The following GPHN variants were observed in gnomAD, a reference collection of about 807,000 sequenced individuals.
The protein encoded by GPHN is gephyrin.
In GPHN, 17 loss-of-function variants were observed where a neutral mutation model predicts 95.5. That is an observed-to-expected ratio of 0.18 (90% CI 0.12 to 0.27). The LOEUF (loss-of-function observed/expected upper bound fraction) is 0.27. Among genes scored for constraint, GPHN ranks in the 10% least tolerant of loss-of-function variants. GPHN has a pLI of 1.00. For synonymous variants in GPHN, 320 were observed against 322.5 expected (o/e 0.99, Z 0.08); for missense variants, 660 against 978.1 (o/e 0.67, Z 4.34).
chr14:67,338,008 C>G, the GPHN span: 2 of 152,144 alleles, frequency 1.3e-5, no homozygotes, highest in Non-Finnish European at 2.9e-5. Flanking sequence ...AAAGCTCTGG[C>G]TGACACTACT....
intron 2 of GPHN, among the ~76,000 whole-genome samples, chr14:66,731,363 G>A (rs867486548): frequency 1.8e-4 from 27 of 152,170 alleles, no homozygotes; most frequent in Non-Finnish European, 7.3e-5. Context: ...GGAACTTCCC[G>A]GAGACTTGCT....
At chr14:67,123,646 A>G (rs1348465354) in intron 17 of GPHN, among the ~76,000 whole-genome samples, 3 of 152,208 alleles carry the variant, frequency 2.0e-5, no homozygotes, top group African/African-American at 7.2e-5. Flanking sequence ...ACTGCACCCC[A>G]GCCTGGGAAA....
At chr14:67,350,146 G>A in the GPHN span, among the ~76,000 whole-genome samples, 6 of 152,158 alleles carry the variant, frequency 3.9e-5, no homozygotes, top group Admixed American at 3.3e-4. Context: ...TGTCACCAAA[G>A]CCATGAAGTT....
intron 10 of GPHN, among the ~76,000 whole-genome samples, chr14:67,033,431 G>GT (rs1594880839): frequency 6.6e-6 from 1 of 152,004 alleles, no homozygotes; most frequent in African/African-American, 2.4e-5. Flanking sequence ...AGGCCTGGTG[G>GT]TGCACACCTG....
the GPHN span, chr14:67,345,967 G>A: frequency 1.3e-6 from 1 of 771,086 alleles, no homozygotes; most frequent in Non-Finnish European, 2.1e-6. Flanking sequence ...TAACAAATAT[G>A]GAAAGATGAA....
At chr14:67,006,234 T>C (rs1206483743) in intron 9 of GPHN, among the ~76,000 whole-genome samples, 1 of 152,102 alleles carries the variant, frequency 6.6e-6, no homozygotes, top group African/African-American at 2.4e-5. Flanking sequence ...GGAATTCAGA[T>C]TCATGTGGTC....
chr14:66,988,445 T>C (rs1313490447), intron 9 of GPHN, among the ~76,000 whole-genome samples: 8 of 152,052 alleles, frequency 5.3e-5, no homozygotes, highest in Non-Finnish European at 1.0e-4. Context: ...AATTTCAATT[T>C]TCAAGGAAAA....
chr14:67,229,688 T>C, the GPHN span, among the ~76,000 whole-genome samples: 1 of 152,352 alleles, frequency 6.6e-6, no homozygotes, highest in Admixed American at 6.5e-5. Flanking sequence ...ATGTGTATTA[T>C]ATTGATTATA....
Position 67,150,525 on chromosome 14 carries a change from A to G in GPHN, c.1836+7076A>G, listed in dbSNP as rs149507046. The stretch of plus-strand genomic sequence containing the variant: ...TTGATTTTGTTGATCACAGTTTTAT[A>G]CTTTTTTATAATCTTAAATATTATA... On this transcript the variant is annotated intron_variant, in intron 18 of 22. Coordinates refer to ENST00000478722, the MANE Select transcript of GPHN (RefSeq NM_020806.5). 3.6e-3 allele frequency among the ~76,000 whole-genome samples: 547 copies of G among 151,202 alleles called. 2 individuals carry two copies. The highest frequency in any genetic ancestry group is 0.012 in the African/African-American group (510 of 41,148).
chr14:66,813,070 T>C (rs1004614612), intron 3 of GPHN, among the ~76,000 whole-genome samples: 4 of 152,344 alleles, frequency 2.6e-5, no homozygotes, highest in African/African-American at 9.6e-5. Context: ...TTCCTTTATA[T>C]AATTTTTTTT....
intron 8 of GPHN, among the ~76,000 whole-genome samples, chr14:66,946,764 T>C (rs1056285937): frequency 4.6e-5 from 7 of 152,212 alleles, no homozygotes; most frequent in Admixed American, 4.6e-4. Flanking sequence ...AGTATTTTCA[T>C]AGATAAAAAA....
Position 67,011,393 on chromosome 14 carries a change from G to C in GPHN, c.964-12240G>C, listed in dbSNP as rs1351415101. Among the ~76,000 whole-genome samples, 5 of 150,522 alleles carry C rather than the reference G, an allele frequency of 3.3e-5. No individual in the cohort carries two copies. The East Asian group carries it at 7.8e-4, about 24-fold the overall frequency. On this transcript the variant is annotated intron_variant, in intron 9 of 22. Coordinates refer to ENST00000478722, the MANE Select transcript of GPHN (RefSeq NM_020806.5). ...TTTGTGACCAGCCTGGACAACATAG[G>C]GTGACCCCACCTCTACAAAAAAAAA...
At chr14:67,035,657 G>C (rs1286152540) in intron 10 of GPHN, among the ~76,000 whole-genome samples, 2 of 151,674 alleles carry the variant, frequency 1.3e-5, no homozygotes, top group Non-Finnish European at 3.0e-5. Context: ...ACACAACCTT[G>C]GTGTTCAGTC....
the GPHN span, among the ~76,000 whole-genome samples, chr14:67,211,789 G>T: frequency 6.6e-6 from 1 of 152,016 alleles, no homozygotes; most frequent in South Asian, 2.1e-4. Context: ...AAGTTTTGGT[G>T]AGCATGATCA....
the GPHN span, among the ~76,000 whole-genome samples, chr14:67,420,700 G>A: frequency 6.6e-6 from 1 of 152,322 alleles, no homozygotes; most frequent in Admixed American, 6.5e-5. Context: ...GTCTCAATTA[G>A]CTGGCACTTC....
the GPHN span, chr14:67,201,672 G>C: frequency 2.6e-6 from 1 of 384,134 alleles, no homozygotes; most frequent in South Asian, 1.9e-5. Flanking sequence ...TCCCTGAGCT[G>C]GGTCATCATC....
chr14:66,743,240 C>A (rs1321752114), intron 2 of GPHN, among the ~76,000 whole-genome samples: 4 of 151,820 alleles, frequency 2.6e-5, no homozygotes, highest in Admixed American at 1.3e-4. Context: ...AATCTTCCCC[C>A]CCACTTTAAA....
At chr14:66,898,544 G>A (rs1223349664) in intron 5 of GPHN, among the ~76,000 whole-genome samples, 1 of 147,442 alleles carries the variant, frequency 6.8e-6, no homozygotes, top group East Asian at 2.1e-4. Flanking sequence ...AATTAATCTG[G>A]CCTATTATTA....
At chr14:67,332,800 C>G in the GPHN span, 3 of 1,611,314 alleles carry the variant, frequency 1.9e-6, no homozygotes, top group East Asian at 2.2e-5. Context: ...TGAGAGAAAT[C>G]ATTGAGAAGA....
Sources: allele counts gnomAD v4.1 joint callset (sites outside exome capture counted in the v4.1 genomes callset), GRCh38; gene constraint gnomAD v4.1.1; transcripts MANE v1.5; gene names NCBI Gene and HGNC (gene_info 2026-07-23, HGNC 2026-07-21).